The following PTN variants were observed in gnomAD, a reference collection of about 807,000 sequenced individuals.
PTN encodes pleiotrophin, also known as heparin affin regulatory protein.
In PTN, 18 loss-of-function variants were observed where a neutral mutation model predicts 24.1. The ratio of observed to expected loss-of-function variants is 0.75; its 90% CI spans 0.52 to 1.11. PTN has a LOEUF of 1.11. Ranked by LOEUF, PTN falls within the 50% of genes least tolerant of loss-of-function variation. The pLI, the probability that PTN is intolerant of heterozygous loss-of-function variation, is 0.00. For synonymous variants in PTN, 78 were observed against 68.6 expected (o/e 1.14, Z -0.67); for missense variants, 163 against 198.8 (o/e 0.82, Z 1.08).
At chr7:137,268,051 G>C (rs1242810433) in intron 1 of PTN, among the ~76,000 whole-genome samples, 3 of 152,118 alleles carry the variant, frequency 2.0e-5, no homozygotes, top group Non-Finnish European at 2.9e-5. Flanking sequence ...ACTCAAATGA[G>C]TGGGCAAGTT....
At chr7:137,238,390 C>G (rs1030478144) in intron 4 of PTN, among the ~76,000 whole-genome samples, 2 of 152,126 alleles carry the variant, frequency 1.3e-5, no homozygotes, top group African/African-American at 4.8e-5. Context: ...CTTTAAAGAA[C>G]CCTAGATTGA....
Position 137,254,868 on chromosome 7 carries a change from C to A in PTN, c.106G>T (p.Glu36Ter). Residue 36 changes from glutamate (E) to a stop codon, truncating the protein, a stop_gained, in exon 2 of 5, where the codon GAG (glutamate) becomes TAG (stop). Coordinates refer to ENST00000348225, the MANE Select transcript of PTN (RefSeq NM_002825.7). LOFTEE classifies it high-confidence loss of function. Reference sequence around the variant, plus strand: ...GAACCCTACTGCTTACCTGGTTTCTCTTTCTTCCCTGCTTCAGCAGTATCC... The same window carrying A: ...GAACCCTACTGCTTACCTGGTTTCTATTTCTTCCCTGCTTCAGCAGTATCC... ...AVDTAEAGKK[E>*]KPEKKVKKSD... The A allele has an allele frequency of 6.4e-7, 1 of 1,555,818 alleles. No individual in the cohort carries two copies. The highest frequency in any genetic ancestry group is 1.2e-5 in the South Asian group (1 of 84,408).
In PTN at chr7:137,240,210, G is replaced by A. The variant is rs186088716; in HGVS notation, c.451+11020C>T. Among the ~76,000 whole-genome samples the A allele has an allele frequency of 7.9e-5, 12 of 151,898 alleles. No homozygotes were observed. In the East Asian group the frequency reaches 1.5e-3, roughly 20 times the overall value. On this transcript the variant is annotated intron_variant, in intron 4 of 4. Coordinates refer to ENST00000348225, the MANE Select transcript of PTN (RefSeq NM_002825.7). ...TATTTATTTCTCTTTTTCCTTCATT[G>A]TCCACCCACCACCACCACCAGTAGA...
chr7:137,252,086 C>T (rs1242897963), intron 3 of PTN, among the ~76,000 whole-genome samples: 1 of 151,940 alleles, frequency 6.6e-6, no homozygotes, highest in Non-Finnish European at 1.5e-5. Flanking sequence ...ATGCATGTTT[C>T]ATTTCGTAAA....
Position 137,241,686 on chromosome 7 carries a change from C to A in PTN, c.451+9544G>T, listed in dbSNP as rs117940019. Among the ~76,000 whole-genome samples the A allele has an allele frequency of 2.7e-3, 406 of 152,226 alleles. 20 individuals are homozygous for A. The East Asian group carries it at 0.051, about 19-fold the overall frequency. ...AGGATAGAGTTAGATCTCCCCACTT[C>A]TAGTACGGTATCATGGATGGAAAAT... On this transcript the variant is annotated intron_variant, in intron 4 of 4. Transcript: ENST00000348225.
At chr7:137,263,605 C>T (rs2128873008) in intron 1 of PTN, among the ~76,000 whole-genome samples, 1 of 152,202 alleles carries the variant, frequency 6.6e-6, no homozygotes, top group East Asian at 1.9e-4. Flanking sequence ...CTGTCTTGTG[C>T]CTAAGTACCA....
At chr7:137,318,973 G>A (rs574928839) in intron 1 of PTN, 8 of 152,192 alleles carry the variant, frequency 5.3e-5, no homozygotes, top group Admixed American at 2.0e-4. Flanking sequence ...GACTGCTGTC[G>A]TGTCTCTTCC....
intron 1 of PTN, among the ~76,000 whole-genome samples, chr7:137,306,866 G>GA: frequency 6.6e-6 from 1 of 152,124 alleles, no homozygotes; most frequent in South Asian, 2.1e-4. Context: ...AATGTGGTGG[G>GA]AAAATCACTG....
intron 1 of PTN, among the ~76,000 whole-genome samples, chr7:137,302,464 G>A (rs1809821826): frequency 6.6e-6 from 1 of 151,970 alleles, no homozygotes; most frequent in Admixed American, 6.6e-5. Context: ...CAGAAGGATA[G>A]ATTAGACAAA....
intron 4 of PTN, among the ~76,000 whole-genome samples, chr7:137,232,798 T>C (rs1486832643): frequency 6.6e-6 from 1 of 151,950 alleles, no homozygotes; most frequent in Non-Finnish European, 1.5e-5. Flanking sequence ...ATGGCGGCAG[T>C]TTCCCCCATG....
intron 1 of PTN, among the ~76,000 whole-genome samples, chr7:137,339,198 G>C (rs1810494640): frequency 6.6e-6 from 1 of 152,014 alleles, no homozygotes; most frequent in Admixed American, 6.6e-5. Flanking sequence ...GGGTATAATG[G>C]ATTTTAATTG....
intron 1 of PTN, among the ~76,000 whole-genome samples, chr7:137,342,380 C>G (rs767385006): frequency 3.3e-5 from 5 of 152,142 alleles, no homozygotes; most frequent in Non-Finnish European, 7.4e-5. Context: ...ATGAGAGATG[C>G]TCAAGGACCG....
At chr7:137,262,836 T>A (rs1809066979) in intron 1 of PTN, among the ~76,000 whole-genome samples, 1 of 152,190 alleles carries the variant, frequency 6.6e-6, no homozygotes, top group Non-Finnish European at 1.5e-5. Flanking sequence ...AGGGGTGGAA[T>A]TTTTACTACC....
intron 4 of PTN, among the ~76,000 whole-genome samples, chr7:137,232,159 C>T (rs780051293): frequency 3.3e-5 from 5 of 151,834 alleles, no homozygotes; most frequent in Non-Finnish European, 5.9e-5. Flanking sequence ...GCCACATGTC[C>T]CTTGTCCCTG....
intron 1 of PTN, among the ~76,000 whole-genome samples, chr7:137,328,719 G>A (rs10255150): frequency 0.38 from 58,310 of 151,872 alleles, 11,485 homozygotes; most frequent in South Asian, 0.47. Flanking sequence ...TTTCCTCAGC[G>A]CAGGCATGTT....
intron 1 of PTN, among the ~76,000 whole-genome samples, chr7:137,319,261 C>A (rs2128880916): frequency 6.6e-6 from 1 of 152,314 alleles, no homozygotes; most frequent in South Asian, 2.1e-4. Flanking sequence ...CCACACTTAA[C>A]AGAATTCTTG....
chr7:137,233,637 G>A (rs968823237), intron 4 of PTN, among the ~76,000 whole-genome samples: 2 of 151,764 alleles, frequency 1.3e-5, no homozygotes, highest in African/African-American at 2.4e-5. Context: ...TGGGTATGTG[G>A]CAGCTATTTT....
At position 137,283,952 on chromosome 7, in the gene PTN, A is replaced by ATTTTTTTTTTTTTTTTTTTTTTT. The variant is rs753374720; in HGVS notation, c.-1-29001_-1-28979dup. Among the ~76,000 whole-genome samples the ATTTTTTTTTTTTTTTTTTTTTTT allele has an allele frequency of 2.0e-4, 10 of 48,922 alleles. 1 individual carries two copies. The highest frequency in any genetic ancestry group is 2.7e-4 in the Non-Finnish European group (8 of 29,934). 32.1% of individuals were successfully genotyped at this position (48,922 alleles called of 152,430 possible). ...AAATGAATGTGAAAATGAGCATCAG[A>ATTTTTTTTTTTTTTTTTTTTTTT]TTTTTTTTTTTTTTTTTTTTTTTTT... On this transcript the variant is annotated intron_variant, in intron 1 of 4. Coordinates refer to ENST00000348225, the MANE Select transcript of PTN (RefSeq NM_002825.7).
At chr7:137,295,233 G>A (rs1809701191) in intron 1 of PTN, among the ~76,000 whole-genome samples, 1 of 152,158 alleles carries the variant, frequency 6.6e-6, no homozygotes, top group South Asian at 2.1e-4. Context: ...GAATAGCACA[G>A]GCTCAGTCCT....
Sources: allele counts gnomAD v4.1 joint callset (sites outside exome capture counted in the v4.1 genomes callset), GRCh38; gene constraint gnomAD v4.1.1; transcripts MANE v1.5; gene names NCBI Gene and HGNC (gene_info 2026-07-23, HGNC 2026-07-21).